The following ZNF143 variants were observed in gnomAD, a reference collection of about 807,000 sequenced individuals.
ZNF143 encodes the protein zinc finger protein 143.
In ZNF143, 49 loss-of-function variants were observed where a neutral mutation model predicts 74.1. That is an observed-to-expected ratio of 0.66 (90% CI 0.53 to 0.84). The LOEUF is 0.84. Ranked by LOEUF, ZNF143 falls within the 40% of genes least tolerant of loss-of-function variation. The pLI, the probability that ZNF143 is intolerant of heterozygous loss-of-function variation, is 0.00. For synonymous variants in ZNF143, 304 were observed against 282.8 expected, an observed-to-expected ratio of 1.07 and a Z score of -0.75; for missense variants, 637 against 793.4, an observed-to-expected ratio of 0.80 and a Z score of 2.37.
chr11:9,472,214 C>CCATT (rs1856617570), intron 2 of ZNF143, among the ~76,000 whole-genome samples: 1 of 152,078 alleles, frequency 6.6e-6, no homozygotes. Flanking sequence ...CAGGCATGAG[C>CCATT]CATTGTTCCC....
At chr11:9,491,179 A>G (rs1847759340) in intron 7 of ZNF143, among the ~76,000 whole-genome samples, 1 of 152,206 alleles carries the variant, frequency 6.6e-6, no homozygotes, top group Admixed American at 6.5e-5. Context: ...GAACCCAAGA[A>G]CTTGAGTCTA....
chr11:9,494,767 T>A lies in ZNF143; in HGVS notation c.765+2T>A. ...TATACAACAGCTCATCATCTCAAGG[T>A]ATATATAAAAGAAATGTTCTATCTA... On this transcript the variant is annotated splice_donor_variant, in intron 8 of 15. Transcript: ENST00000396602. LOFTEE classifies it high-confidence loss of function. 6.2e-7 allele frequency: 1 copy of A among 1,605,888 alleles called. No homozygotes were observed. Among genetic ancestry groups the A allele is most frequent in the Non-Finnish European group, 8.5e-7 (1 of 1,173,138 alleles).
Position 9,478,462 on chromosome 11 carries a change from T to C in ZNF143, c.446T>C (p.Val149Ala). The change falls in exon 6 of 16, where the codon GTG becomes GCG. Residue 149 changes from valine to alanine, a missense_variant. By Grantham distance (64) the Val-to-Ala change is moderately conservative. This residue lies in a region of ZNF143 where 293 missense variants were observed against 307.8 expected (regional missense o/e 0.95). Coordinates refer to ENST00000396602, the MANE Select transcript of ZNF143 (RefSeq NM_003442.6). Reference sequence around the variant, plus strand: ...ACCACAGCTTATATCCACCATGCAGTGCAAGTCCCGCAGTCTGACACCATC... The same window carrying C: ...ACCACAGCTTATATCCACCATGCAGCGCAAGTCCCGCAGTCTGACACCATC... ...DGTTAYIHHA[V>A]QVPQSDTILA... is the part of the protein sequence containing the mutation. 2.5e-6 allele frequency: 4 copies of C among 1,614,176 alleles called. No homozygotes were observed. The highest frequency in any genetic ancestry group is 3.4e-6 in the Non-Finnish European group (4 of 1,180,036).
chr11:9,469,221 T>A (rs1240142979), intron 1 of ZNF143, among the ~76,000 whole-genome samples: 3 of 148,950 alleles, frequency 2.0e-5, no homozygotes, highest in African/African-American at 7.4e-5. Flanking sequence ...GGGTCTTTTT[T>A]TTTTTTTTTT....
At chr11:9,508,872 GT>G in intron 12 of ZNF143, 26 bp downstream of exon 12, 1 of 1,549,382 alleles carries the variant, frequency 6.5e-7, no homozygotes, top group Non-Finnish European at 8.7e-7. Flanking sequence ...ACTATATTTT[GT>G]TTCTGAGTTT....
rs146699374 is a variant in ZNF143, at chr11:9,488,776, A to G, written c.646-5870A>G. Among the ~76,000 whole-genome samples, 712 of 152,268 alleles carry G rather than the reference A, an allele frequency of 4.7e-3. 7 individuals are homozygous for G. The highest frequency in any genetic ancestry group is 0.016 in the African/African-American group (681 of 41,556). ...TTTGCCAATCATTTATTAAATATTT[A>G]TTATTTTAGAATGTTGTGATAGGAA... On this transcript the variant is annotated intron_variant, in intron 7 of 15. Transcript: ENST00000396602.
chr11:9,478,728 A>G (rs1847119634), intron 6 of ZNF143, 142 bp downstream of exon 6: 3 of 859,096 alleles, frequency 3.5e-6, no homozygotes, highest in Admixed American at 5.7e-5. Context: ...TCACGCCTAT[A>G]ACTTCCCAGC....
At chr11:9,474,075 A>G in intron 4 of ZNF143, 51 bp downstream of exon 4, 1 of 1,436,538 alleles carries the variant, frequency 7.0e-7, no homozygotes, top group African/African-American at 1.4e-5. Flanking sequence ...CTCAGCTTTT[A>G]GTATTTGCTA....
chr11:9,472,649 A>G, intron 2 of ZNF143, 28 bp from the exon 3 acceptor site: 3 of 1,590,428 alleles, frequency 1.9e-6, no homozygotes, highest in Non-Finnish European at 2.6e-6. Flanking sequence ...CTAGCTGTCT[A>G]AAGAAAATAT....
chr11:9,479,686 C>T (rs1272560203), intron 7 of ZNF143, 140 bp downstream of exon 7: 1 of 596,850 alleles, frequency 1.7e-6, no homozygotes, highest in Non-Finnish European at 2.8e-6. Context: ...TATTGGGCAG[C>T]AGCTTTCTCA....
chr11:9,463,234 T>C (rs1407721434), intron 1 of ZNF143, among the ~76,000 whole-genome samples: 1 of 152,268 alleles, frequency 6.6e-6, no homozygotes, highest in East Asian at 1.9e-4. Flanking sequence ...CATAATGCTA[T>C]GAACATTTGT....
chr11:9,498,090 A>G (rs1410133518), intron 10 of ZNF143, among the ~76,000 whole-genome samples: 3 of 152,204 alleles, frequency 2.0e-5, no homozygotes, highest in African/African-American at 7.2e-5. Context: ...TCTGCCTCCC[A>G]AAGTGCTGCG....
At chr11:9,527,431 CAG>C in intron 15 of ZNF143, 97 bp from the exon 16 acceptor site, 1 of 1,083,464 alleles carries the variant, frequency 9.2e-7, no homozygotes, top group Non-Finnish European at 1.4e-6. Context: ...GTCAGAATTA[CAG>C]AGAGAAGTTT....
intron 13 of ZNF143, among the ~76,000 whole-genome samples, chr11:9,514,453 G>T (rs748395237): frequency 3.9e-5 from 6 of 152,270 alleles, no homozygotes; most frequent in Non-Finnish European, 8.8e-5. Context: ...ACTTAGTGTT[G>T]GAATCACAGG....
intron 4 of ZNF143, 88 bp downstream of exon 4, chr11:9,474,112 C>T (rs1856744683): frequency 9.3e-7 from 1 of 1,076,088 alleles, no homozygotes; most frequent in Non-Finnish European, 1.4e-6. Context: ...ACTACCTAAA[C>T]TTGGTCTTGT....
At chr11:9,484,683 A>T (rs1391693941) in intron 7 of ZNF143, among the ~76,000 whole-genome samples, 3 of 140,940 alleles carry the variant, frequency 2.1e-5, no homozygotes, top group African/African-American at 8.3e-5. Context: ...CAATGGCCTG[A>T]TCTTGGCTCA....
chr11:9,473,526 A>G (rs1009908618), intron 3 of ZNF143, among the ~76,000 whole-genome samples: 3 of 152,222 alleles, frequency 2.0e-5, no homozygotes, highest in Admixed American at 1.3e-4. Context: ...ACATGCATAC[A>G]TAAACAGGGG....
intron 11 of ZNF143, among the ~76,000 whole-genome samples, chr11:9,502,788 C>G (rs796230951): frequency 1.8e-4 from 28 of 152,112 alleles, no homozygotes; most frequent in African/African-American, 6.5e-4. Context: ...ACTTTCTCTT[C>G]TATGGGTTTG....
intron 10 of ZNF143, among the ~76,000 whole-genome samples, chr11:9,498,482 T>C (rs551936699): frequency 6.6e-6 from 1 of 152,244 alleles, no homozygotes; most frequent in Non-Finnish European, 1.5e-5. Flanking sequence ...AGAAAGTGTC[T>C]GAACCCCAAC....
Sources: allele counts gnomAD v4.1 joint callset (sites outside exome capture counted in the v4.1 genomes callset), GRCh38; gene constraint gnomAD v4.1.1; regional missense constraint gnomAD v4.1.1; transcripts MANE v1.5; gene names NCBI Gene and HGNC (gene_info 2026-07-23, HGNC 2026-07-21).